Variants in PDE8A observed in about 807,000 individuals in gnomAD.
PDE8A encodes the protein high affinity cAMP-specific and IBMX-insensitive 3',5'-cyclic phosphodiesterase 8A.
Under a neutral mutation model 105.0 loss-of-function variants are expected in PDE8A, and 59 were observed. The observed-to-expected ratio is 0.56, with a 90% CI of 0.46 to 0.70. The LOEUF (loss-of-function observed/expected upper bound fraction) is 0.70, where lower values mean the gene tolerates loss of function less well. Among genes scored for constraint, PDE8A ranks in the 30% least tolerant of loss-of-function variants. The probability of loss-of-function intolerance (pLI) is 0.00; values close to 1 mark genes in which losing one functional copy is unlikely to be tolerated. For synonymous variants in PDE8A, 355 were observed against 371.9 expected, an observed-to-expected ratio of 0.95 and a Z score of 0.52; for missense variants, 1,014 against 1,045.9, an observed-to-expected ratio of 0.97 and a Z score of 0.42.
intron 3 of PDE8A, among the ~76,000 whole-genome samples, chr15:85,069,464 C>T (rs146594895): frequency 2.0e-5 from 3 of 152,162 alleles, no homozygotes; most frequent in Non-Finnish European, 4.4e-5. Flanking sequence ...AATGGACTTC[C>T]AACACTGGAG....
At position 85,083,642 on chromosome 15, in the gene PDE8A, C is replaced by G. The variant is rs765156012; in HGVS notation, c.633C>G (p.Leu211=). 3.4e-5 allele frequency: 55 copies of G among 1,604,738 alleles called. No individual in the cohort carries two copies. The East Asian group carries it at 1.2e-3, about 35-fold the overall frequency. ...GAGAGGTGCGATCACAACTGAAACT[C>G]AGGTAATTCTACCACTTCTGGAAAG... ...EFGEVRSQLK[L]RACNSVFTAL... is the part of the protein sequence containing the mutation. Residue 211 remains leucine, a splice_region_variant and synonymous_variant, in exon 6 of 22, where the codon CTC becomes CTG. Coordinates refer to ENST00000394553, the MANE Select transcript of PDE8A (RefSeq NM_002605.3).
chr15:85,047,380 C>T (rs1305424509), intron 1 of PDE8A, among the ~76,000 whole-genome samples: 1 of 152,146 alleles, frequency 6.6e-6, no homozygotes, highest in Non-Finnish European at 1.5e-5. Context: ...ATCAGATTTC[C>T]TGGTGGTGGT....
chr15:85,004,191 GCC>G (rs2080109706), intron 1 of PDE8A, among the ~76,000 whole-genome samples: 6 of 152,118 alleles, frequency 3.9e-5, no homozygotes, highest in Admixed American at 6.5e-5. Context: ...TTTCCCCTTT[GCC>G]ATGCATAATA....
At chr15:85,013,974 A>T (rs559300316) in intron 1 of PDE8A, among the ~76,000 whole-genome samples, 1 of 152,326 alleles carries the variant, frequency 6.6e-6, no homozygotes, top group South Asian at 2.1e-4. Context: ...TGATCCAGGA[A>T]GTCAAAGCAG....
intron 6 of PDE8A, among the ~76,000 whole-genome samples, chr15:85,087,880 A>G (rs142773134): frequency 2.8e-4 from 42 of 152,312 alleles, no homozygotes; most frequent in African/African-American, 9.4e-4. Context: ...ATGCTTATTG[A>G]AAATAATTAG....
intron 1 of PDE8A, 81 bp downstream of exon 1, chr15:84,982,429 G>A (rs952485421): frequency 2.2e-6 from 2 of 916,238 alleles, no homozygotes. Context: ...GGCCGGGCGG[G>A]GTCCCCCCCA....
In PDE8A at chr15:85,089,318, T is replaced by A; in HGVS notation, c.636-20T>A. On this transcript the variant is annotated intron_variant, in intron 6 of 21. Transcript: ENST00000394553. ...TGTAGTATTTACATTAATCATTCCT[T>A]TTTTTGTTTACTCATAAAGGGCTTG... is the stretch of plus-strand genomic sequence containing the variant. 1 of 1,314,818 alleles carries A rather than the reference T, an allele frequency of 7.6e-7. No individual in the cohort carries two copies. The highest frequency in any genetic ancestry group is 1.5e-5 in the African/African-American group (1 of 68,754). The allele number at this position is 1,314,818 out of a possible 1,614,324, so 81.4% of individuals were successfully genotyped here.
At chr15:85,068,835 A>G (rs1346192856) in intron 3 of PDE8A, among the ~76,000 whole-genome samples, 1 of 152,138 alleles carries the variant, frequency 6.6e-6, no homozygotes, top group Non-Finnish European at 1.5e-5. Flanking sequence ...AGCATCTTGT[A>G]TTGTAAAAGA....
chr15:85,020,012 G>A (rs559175129), intron 1 of PDE8A, among the ~76,000 whole-genome samples: 2 of 125,020 alleles, frequency 1.6e-5, no homozygotes, highest in African/African-American at 6.2e-5. Context: ...CTCTCTTCTG[G>A]CACTTTGCAG....
intron 12 of PDE8A, among the ~76,000 whole-genome samples, chr15:85,112,592 G>A (rs907453485): frequency 6.6e-6 from 1 of 152,172 alleles, no homozygotes; most frequent in Non-Finnish European, 1.5e-5. Context: ...GGTTAACTTT[G>A]GACGGTGTCT....
Position 85,056,400 on chromosome 15 carries a change from G to C in PDE8A, c.187-7970G>C, listed in dbSNP as rs376381256. ...GTTTTCCTGGATAATATCCTGCAGAGTGTTTTCCAACTTGGTTCCATTCTC... is the reference window on the plus strand; with the variant it reads ...GTTTTCCTGGATAATATCCTGCAGACTGTTTTCCAACTTGGTTCCATTCTC... On this transcript the variant is annotated intron_variant, in intron 1 of 21. Transcript: ENST00000394553. Among the ~76,000 whole-genome samples, 82 of 152,324 alleles carry C rather than the reference G, an allele frequency of 5.4e-4. No homozygotes were observed. In the South Asian group the frequency reaches 0.016, roughly 30 times the overall value.
At chr15:85,062,293 C>T (rs2081158721) in intron 1 of PDE8A, among the ~76,000 whole-genome samples, 1 of 152,210 alleles carries the variant, frequency 6.6e-6, no homozygotes, top group South Asian at 2.1e-4. Flanking sequence ...TAGGCCATCT[C>T]TGTGCCAAGG....
intron 1 of PDE8A, among the ~76,000 whole-genome samples, chr15:85,025,907 A>C (rs1008512470): frequency 6.6e-6 from 1 of 152,144 alleles, no homozygotes; most frequent in Admixed American, 6.5e-5. Context: ...GACCATATAT[A>C]TGGGGCAAAA....
chr15:85,077,191 A>G (rs1232270599), intron 5 of PDE8A, among the ~76,000 whole-genome samples: 36 of 152,178 alleles, frequency 2.4e-4, no homozygotes, highest in Admixed American at 2.4e-3. Flanking sequence ...CACAGGATGT[A>G]TTGTTATGAT....
intron 1 of PDE8A, among the ~76,000 whole-genome samples, chr15:85,030,539 A>C (rs1812723815): frequency 6.6e-6 from 1 of 152,168 alleles, no homozygotes; most frequent in Admixed American, 6.5e-5. Flanking sequence ...TGGGCACTTA[A>C]GTGCTTGCCT....
chr15:85,121,198 T>G (rs918623673), intron 18 of PDE8A, among the ~76,000 whole-genome samples, 184 bp downstream of exon 18: 4 of 152,048 alleles, frequency 2.6e-5, no homozygotes, highest in Non-Finnish European at 4.4e-5. Context: ...GAGAAATCAC[T>G]TGAGCCCAGG....
At chr15:85,019,454 G>T (rs1174064310) in intron 1 of PDE8A, among the ~76,000 whole-genome samples, 1 of 152,182 alleles carries the variant, frequency 6.6e-6, no homozygotes, top group Non-Finnish European at 1.5e-5. Flanking sequence ...GGGTCTCGCT[G>T]TGTTGCCCAG....
rs1255136761 is a variant in PDE8A at position 84,982,089 on chromosome 15, C to A, written c.-74C>A. The A allele has an allele frequency of 2.9e-6, 3 of 1,022,078 alleles. No homozygotes were observed. In the East Asian group the frequency reaches 1.1e-4, roughly 38 times the overall value. 63.3% of individuals were successfully genotyped at this position (1,022,078 alleles called of 1,614,324 possible). ...CGATGACACGGCGCCCGCGGCGGCC[C>A]GGAGGCGCCGGGTGGGCCGTTTGCT... On this transcript the variant is annotated 5_prime_UTR_variant, in exon 1 of 22. Transcript: ENST00000394553.
intron 1 of PDE8A, among the ~76,000 whole-genome samples, chr15:85,035,706 TG>T (rs11286200): frequency 0.62 from 94,517 of 152,064 alleles, 30,056 homozygotes; most frequent in African/African-American, 0.77. Context: ...GAGTTTTTGA[TG>T]GAAGTTCTTT....
Sources: allele counts gnomAD v4.1 joint callset (sites outside exome capture counted in the v4.1 genomes callset), GRCh38; gene constraint gnomAD v4.1.1; transcripts MANE v1.5; gene names NCBI Gene and HGNC (gene_info 2026-07-23, HGNC 2026-07-21).